The following SHTN1 variants were observed in gnomAD, a reference collection of about 807,000 sequenced individuals.
The protein encoded by SHTN1 is shootin 1.
In SHTN1, 42 loss-of-function variants were observed where a neutral mutation model predicts 83.1. That is an observed-to-expected ratio of 0.51 (90% CI 0.39 to 0.65). SHTN1 has a LOEUF of 0.65. Among genes scored for constraint, SHTN1 ranks in the 30% least tolerant of loss-of-function variants. The pLI is 0.00. For missense variants in SHTN1, 622 were observed against 737.8 expected (o/e 0.84, Z 1.82); for synonymous variants, 224 against 247.7 (o/e 0.90, Z 0.90).
intron 1 of SHTN1, among the ~76,000 whole-genome samples, chr10:117,056,105 G>A (rs995960224): frequency 6.6e-6 from 1 of 151,984 alleles, no homozygotes; most frequent in Admixed American, 6.6e-5. Context: ...AAATTTCCAG[G>A]CCCAGATAGC....
At chr10:117,052,312 T>C (rs897442730) in intron 1 of SHTN1, among the ~76,000 whole-genome samples, 2 of 151,984 alleles carry the variant, frequency 1.3e-5, no homozygotes, top group Non-Finnish European at 2.9e-5. Flanking sequence ...TCCATGTTCA[T>C]GTACTAGAAG....
intron 2 of SHTN1, among the ~76,000 whole-genome samples, chr10:116,976,796 T>C (rs1850824002): frequency 6.6e-6 from 1 of 152,224 alleles, no homozygotes; most frequent in South Asian, 2.1e-4. Flanking sequence ...TAACAGAAGA[T>C]AAACAGAGTG....
chr10:117,077,519 G>A (rs905165944), intron 1 of SHTN1, among the ~76,000 whole-genome samples: 4 of 151,936 alleles, frequency 2.6e-5, no homozygotes, highest in African/African-American at 9.7e-5. Context: ...GGGTACATGT[G>A]CACAACGTGC....
intron 15 of SHTN1, among the ~76,000 whole-genome samples, chr10:116,903,523 C>CA: frequency 6.6e-6 from 1 of 151,060 alleles, no homozygotes. Flanking sequence ...GACTTCATCT[C>CA]AGAGACAAAA....
At position 116,963,707 on chromosome 10, in the gene SHTN1, C is replaced by G. The variant is rs376040024; in HGVS notation, c.173-3477G>C. 2.6e-5 allele frequency among the ~76,000 whole-genome samples: 4 copies of G among 152,278 alleles called. No homozygotes were observed. The East Asian group carries it at 5.8e-4, about 22-fold the overall frequency. ...GGTGTATGGGTGTACAGTTGGAAGA[C>G]TGGCTGTGAGTTGGCAACTGTTGCA... On this transcript the variant is annotated intron_variant, in intron 3 of 16. Transcript: ENST00000355371.
chr10:117,049,120 G>A (rs2133586698), intron 1 of SHTN1, among the ~76,000 whole-genome samples: 1 of 152,274 alleles, frequency 6.6e-6, no homozygotes, highest in Non-Finnish European at 1.5e-5. Flanking sequence ...TATGGGCTCA[G>A]ATTGTATCAC....
Position 117,034,880 on chromosome 10 carries a change from T to C in SHTN1, c.-123+13565A>G, listed in dbSNP as rs540044604. On this transcript the variant is annotated intron_variant, in intron 2 of 17. Coordinates refer to the SHTN1 transcript ENST00000392901. ...TATATTCATGAATTAGAATAATCAA[T>C]ATTGTTAAAATGTCCATACTACCCA... 2.0e-3 allele frequency among the ~76,000 whole-genome samples: 299 copies of C among 152,224 alleles called. 1 individual carries two copies. The highest frequency in any genetic ancestry group is 6.8e-3 in the African/African-American group (282 of 41,542).
chr10:117,009,305 A>G (rs1852067134), upstream of SHTN1, among the ~76,000 whole-genome samples: 6 of 152,170 alleles, frequency 3.9e-5, 1 homozygote, highest in Non-Finnish European at 8.8e-5. Flanking sequence ...TGCAGAAATA[A>G]GTCATTTCTT....
At chr10:116,996,168 A>G (rs1378613360) in intron 1 of SHTN1, among the ~76,000 whole-genome samples, 1 of 152,184 alleles carries the variant, frequency 6.6e-6, no homozygotes, top group Non-Finnish European at 1.5e-5. Flanking sequence ...AGAGAGGAAA[A>G]ATATTTTCAG....
intron 1 of SHTN1, among the ~76,000 whole-genome samples, chr10:117,113,661 T>C (rs769208860): frequency 6.6e-6 from 1 of 152,100 alleles, no homozygotes; most frequent in Non-Finnish European, 1.5e-5. Flanking sequence ...TCCCAGAACT[T>C]TGGGAAGCGG....
At chr10:117,015,322 T>C (rs1852167145) in intron 2 of SHTN1, among the ~76,000 whole-genome samples, 1 of 152,106 alleles carries the variant, frequency 6.6e-6, no homozygotes, top group Non-Finnish European at 1.5e-5. Context: ...TTTTGGTTTT[T>C]TGTTTTTGTT....
intron 15 of SHTN1, among the ~76,000 whole-genome samples, chr10:116,905,158 C>T (rs986039612): frequency 2.0e-5 from 3 of 148,532 alleles, no homozygotes; most frequent in Non-Finnish European, 3.0e-5. Flanking sequence ...GCCGAGATTG[C>T]GCCACTGCAG....
In SHTN1 at chr10:116,968,671, T is replaced by C; in HGVS notation, c.153A>G (p.Lys51=). ...IRQERDEAVK[K]LEEFQKISHM... is the part of the protein sequence containing the mutation. ...ACGTACTTTTCTGAAATTCTTCCAG[T>C]TTTTTAACGGCTTCATCTCGTTCTT... The change falls in exon 3 of 17, where the codon AAA becomes AAG. Residue 51 remains lysine, a synonymous_variant. Coordinates refer to ENST00000355371, the MANE Select transcript of SHTN1 (RefSeq NM_001127211.3). The C allele has an allele frequency of 6.2e-7, 1 of 1,611,904 alleles. No homozygotes were observed.
chr10:116,967,210 C>T (rs970865562), intron 3 of SHTN1, among the ~76,000 whole-genome samples: 1 of 152,162 alleles, frequency 6.6e-6, no homozygotes, highest in East Asian at 1.9e-4. Context: ...GACCCTTTGC[C>T]TATGACATAT....
intron 1 of SHTN1, among the ~76,000 whole-genome samples, chr10:117,106,525 C>G (rs1357302413): frequency 6.6e-6 from 1 of 152,176 alleles, no homozygotes; most frequent in African/African-American, 2.4e-5. Flanking sequence ...TGAGGGACAG[C>G]AGAAACAGCC....
Position 116,901,768 on chromosome 10 carries a change from A to G in SHTN1, c.1670T>C (p.Phe557Ser). Residue 557 changes from phenylalanine (F) to serine (S), a missense_variant, in exon 16 of 17, where the codon TTT becomes TCT. Around this residue, in one of 3 missense-constraint regions of SHTN1, gnomAD observed 231 missense variants for 251.6 expected, o/e 0.92. Transcript: ENST00000355371. ...LEGCTSSKVTFQPPSSIGCRK... is the reference protein window; with the variant it reads ...LEGCTSSKVTSQPPSSIGCRK... The stretch of plus-strand genomic sequence containing the variant: ...AGTAAAGAGCATCGTTACTTACTGA[A>G]ACGTAACCTTGGAACTTGTGCATCC... 6.3e-7 allele frequency: 1 copy of G among 1,593,994 alleles called. No homozygotes were observed.
At chr10:117,115,765 G>A (rs1853837730) in intron 1 of SHTN1, among the ~76,000 whole-genome samples, 1 of 152,122 alleles carries the variant, frequency 6.6e-6, no homozygotes, top group African/African-American at 2.4e-5. Context: ...AAATAAAAAT[G>A]GCAGCTCACT....
At chr10:116,989,808 G>A (rs545579849) in intron 1 of SHTN1, among the ~76,000 whole-genome samples, 4 of 152,328 alleles carry the variant, frequency 2.6e-5, no homozygotes, top group Admixed American at 2.0e-4. Context: ...GCCTCGCGAT[G>A]TGCATTGCAT....
At chr10:116,933,428 T>C (rs937371401) in intron 9 of SHTN1, among the ~76,000 whole-genome samples, 1 of 152,156 alleles carries the variant, frequency 6.6e-6, no homozygotes, top group African/African-American at 2.4e-5. Flanking sequence ...TTTGGTTTTC[T>C]GTTCCTGTGT....
Sources: allele counts gnomAD v4.1 joint callset (sites outside exome capture counted in the v4.1 genomes callset), GRCh38; gene constraint gnomAD v4.1.1; regional missense constraint gnomAD v4.1.1; transcripts MANE v1.5; gene names NCBI Gene and HGNC (gene_info 2026-07-23, HGNC 2026-07-21).